The following KRTAP4-9 variants were observed in gnomAD, a reference collection of about 807,000 sequenced individuals.
The protein encoded by KRTAP4-9 is keratin associated protein 4-9.
A neutral mutation model predicts 4.3 loss-of-function variants in KRTAP4-9; 4 were observed. That is an observed-to-expected ratio of 0.94 (90% CI 0.46 to 2.15). The LOEUF (loss-of-function observed/expected upper bound fraction) is 2.15. Among genes scored for constraint, KRTAP4-9 ranks in the 30% most tolerant of loss-of-function variants. KRTAP4-9 has a pLI of 0.02. For missense variants in KRTAP4-9, 297 were observed against 278.5 expected, an observed-to-expected ratio of 1.07 and a Z score of -0.47; for synonymous variants, 111 against 99.2, an observed-to-expected ratio of 1.12 and a Z score of -0.70.
chr17:41,105,792 G>T (rs750975964), exon 1 of KRTAP4-9: 1 of 1,604,960 alleles, frequency 6.2e-7, no homozygotes, highest in Non-Finnish European at 8.5e-7. Flanking sequence ...TCCAGCTGCT[G>T]CAAGCCCCAG....
In KRTAP4-9 at chr17:41,106,380, G is replaced by C. The variant is rs6503597; in HGVS notation, c.*359G>C. On this transcript the variant is annotated 3_prime_UTR_variant, in exon 1 of 1. Coordinates refer to ENST00000391415, the Ensembl canonical transcript of KRTAP4-9. Reference sequence around the variant, plus strand: ...CTGCAGGACCAGTTTTGTCACTGAGGTTGCACCCTCAGATCCAGCCGCCCA... The same window carrying C: ...CTGCAGGACCAGTTTTGTCACTGAGCTTGCACCCTCAGATCCAGCCGCCCA... 2.8e-5 allele frequency: 10 copies of C among 356,528 alleles called. No individual in the cohort carries two copies. The South Asian group carries it at 6.5e-4, about 23-fold the overall frequency. 22.1% of individuals were successfully genotyped at this position (356,528 alleles called of 1,614,324 possible).
In KRTAP4-9 at chr17:41,106,210, C is replaced by T. The variant is rs906723831; in HGVS notation, c.*189C>T. On this transcript the variant is annotated 3_prime_UTR_variant, in exon 1 of 1. Transcript: ENST00000391415. Reference sequence around the variant, plus strand: ...ATTCTGATTCATTTTAAACTCCCTCCCTTGCTTTCTTTTTCTTCCGGTGGT... The same window carrying T: ...ATTCTGATTCATTTTAAACTCCCTCTCTTGCTTTCTTTTTCTTCCGGTGGT... 7 of 1,099,816 alleles carry T rather than the reference C, an allele frequency of 6.4e-6. 1 individual carries two copies. In the African/African-American group the frequency reaches 9.6e-5, roughly 15 times the overall value. 68.1% of individuals were successfully genotyped at this position (1,099,816 alleles called of 1,614,324 possible).
exon 1 of KRTAP4-9, chr17:41,105,862 C>G: frequency 2.6e-6 from 4 of 1,532,212 alleles, no homozygotes; most frequent in South Asian, 2.3e-5. Flanking sequence ...GCATCTCCAG[C>G]TGCTGCCGCC....
rs776647103 is a variant in KRTAP4-9, at chr17:41,105,435, G to A, written c.47G>A (p.Gly16Asp). The A allele has an allele frequency of 6.8e-6, 11 of 1,613,040 alleles. No homozygotes were observed. The Admixed American group carries it at 1.8e-4, about 27-fold the overall frequency. Reference sequence around the variant, plus strand: ...TCCGTGTGCTCTGACCAGGGCTGCGGCCAAGACCTCTGTCAGGAGACCTGC... The same window carrying A: ...TCCGTGTGCTCTGACCAGGGCTGCGACCAAGACCTCTGTCAGGAGACCTGC... Residue 16 changes from glycine (G) to aspartate (D), a missense_variant, in exon 1 of 1, where the codon GGC becomes GAC. Coordinates refer to ENST00000391415, the Ensembl canonical transcript of KRTAP4-9.
At chr17:41,105,685 C>G (rs769362720) in exon 1 of KRTAP4-9, 4 of 1,571,948 alleles carry the variant, frequency 2.5e-6, no homozygotes, top group Admixed American at 1.8e-5. Context: ...AGCCTGCGTG[C>G]TGCCAACCCA....
chr17:41,106,401 G>A (rs141432143), exon 1 of KRTAP4-9: 11,418 of 303,178 alleles, frequency 0.038, 540 homozygotes, highest in East Asian at 0.17. Context: ...AGATCCAGCC[G>A]CCCAGTTATA....
At position 41,105,868 on chromosome 17, in the gene KRTAP4-9, C is replaced by T. The variant is rs761300128; in HGVS notation, c.480C>T (p.Cys160=). 1.2e-5 allele frequency: 19 copies of T among 1,530,874 alleles called. 1 individual carries two copies. The Admixed American group carries it at 2.5e-4, about 20-fold the overall frequency. 94.8% of individuals were successfully genotyped at this position (1,530,874 alleles called of 1,614,324 possible). Residue 160 remains cysteine (C), a synonymous_variant, in exon 1 of 1, where the codon TGC becomes TGT. Coordinates refer to ENST00000391415, the Ensembl canonical transcript of KRTAP4-9. ...CCAGCTGCAGCATCTCCAGCTGCTGCCGCCCCTCTTGCTGTGAATCCAGCT... is the reference window on the plus strand; with the variant it reads ...CCAGCTGCAGCATCTCCAGCTGCTGTCGCCCCTCTTGCTGTGAATCCAGCT...
exon 1 of KRTAP4-9, chr17:41,105,991 C>T (rs771244943): frequency 1.9e-6 from 3 of 1,592,714 alleles, no homozygotes. Context: ...GCTGCCCCCG[C>T]CCCTTGTGCT....
Position 41,105,851 on chromosome 17 carries a change from A to T in KRTAP4-9, c.463A>T (p.Ser155Cys), listed in dbSNP as rs374629799. 3.0e-3 allele frequency: 4,794 copies of T among 1,601,924 alleles called. 71 individuals are homozygous for T. The African/African-American group carries it at 0.056, about 19-fold the overall frequency. Residue 155 changes from serine (S) to cysteine (C), a missense_variant, in exon 1 of 1, where the codon AGC (serine) becomes TGC (cysteine). By Grantham distance (112) the Ser-to-Cys change is moderately radical. Coordinates refer to ENST00000391415, the Ensembl canonical transcript of KRTAP4-9. The stretch of plus-strand genomic sequence containing the variant: ...GCCCAACTGCTGCCGCCCCAGCTGC[A>T]GCATCTCCAGCTGCTGCCGCCCCTC...
At position 41,105,766 on chromosome 17, in the gene KRTAP4-9, C is replaced by T. The variant is rs1200515452; in HGVS notation, c.378C>T (p.Arg126=). Reference sequence around the variant, plus strand: ...GGTGCTGCATCTCCAGCTGCTGTCGCCCCAGCTGCTGTGTGTCCAGCTGCT... The same window carrying T: ...GGTGCTGCATCTCCAGCTGCTGTCGTCCCAGCTGCTGTGTGTCCAGCTGCT... Residue 126 remains arginine, a synonymous_variant, in exon 1 of 1, where the codon CGC becomes CGT. Transcript: ENST00000391415. 1.7e-5 allele frequency: 28 copies of T among 1,602,718 alleles called. 1 individual carries two copies. Among genetic ancestry groups the T allele is most frequent in the Middle Eastern group, 1.7e-4 (1 of 5,928 alleles).
exon 1 of KRTAP4-9, chr17:41,105,854 A>G (rs1218254618): frequency 1.2e-6 from 2 of 1,610,906 alleles, no homozygotes; most frequent in African/African-American, 1.3e-5. Context: ...CAGCTGCAGC[A>G]TCTCCAGCTG....
rs538241229 is a variant in KRTAP4-9 at position 41,105,840 on chromosome 17, G to A, written c.452G>A (p.Arg151His). 876 of 1,603,846 alleles carry A rather than the reference G, an allele frequency of 5.5e-4. 15 individuals carry two copies. The African/African-American group carries it at 7.7e-3, about 14-fold the overall frequency. ...GTGTGCTGCCAGCCCAACTGCTGCC[G>A]CCCCAGCTGCAGCATCTCCAGCTGC... Residue 151 changes from arginine to histidine, a missense_variant, in exon 1 of 1, where the codon CGC becomes CAC. Arg to His is a conservative substitution (Grantham distance 29). Transcript: ENST00000391415.
chr17:41,105,997 G>A, exon 1 of KRTAP4-9: 1 of 1,591,020 alleles, frequency 6.3e-7, no homozygotes, highest in South Asian at 1.1e-5. Context: ...CCCGCCCCTT[G>A]TGCTGTGCCT....
chr17:41,105,933 G>T (rs1459462201), exon 1 of KRTAP4-9: 2 of 1,605,574 alleles, frequency 1.2e-6, no homozygotes, highest in South Asian at 1.1e-5. Flanking sequence ...GTCTGTGGCC[G>T]AGTCTCCTGC....
chr17:41,105,481 G>C (rs1308300580), exon 1 of KRTAP4-9: 2 of 1,604,016 alleles, frequency 1.2e-6, no homozygotes, highest in Non-Finnish European at 8.5e-7. Flanking sequence ...GCTGCTGTGA[G>C]ACCACCTGCT....
chr17:41,106,169 C>T (rs1322705307), exon 1 of KRTAP4-9: 1 of 1,340,388 alleles, frequency 7.5e-7, no homozygotes, highest in Non-Finnish European at 1.0e-6. Flanking sequence ...CACCATTTCA[C>T]TGACTCTTTG....
chr17:41,105,896 T>C (rs764822338), exon 1 of KRTAP4-9: 9 of 1,606,466 alleles, frequency 5.6e-6, no homozygotes, highest in South Asian at 2.2e-5. Context: ...ATCCAGCTGC[T>C]GCCGCCCCTG....
exon 1 of KRTAP4-9, chr17:41,105,428 G>A (rs2014063989): frequency 9.9e-6 from 16 of 1,612,388 alleles, no homozygotes; most frequent in Non-Finnish European, 1.7e-6. Context: ...CTCTGACCAG[G>A]GCTGCGGCCA....
In KRTAP4-9 at chr17:41,105,744, G is replaced by A. The variant is rs755593712; in HGVS notation, c.356G>A (p.Cys119Tyr). The change falls in exon 1 of 1, where the codon TGC (cysteine) becomes TAC (tyrosine). Residue 119 changes from cysteine to tyrosine, a missense_variant. Coordinates refer to ENST00000391415, the Ensembl canonical transcript of KRTAP4-9. The stretch of plus-strand genomic sequence containing the variant: ...GAGACGACCTGCTGCCACCCTAGGT[G>A]CTGCATCTCCAGCTGCTGTCGCCCC... The A allele has an allele frequency of 2.5e-6, 4 of 1,602,364 alleles. No homozygotes were observed. In the Admixed American group the frequency reaches 6.7e-5, roughly 27 times the overall value.
Sources: gnomAD v4.1 joint callset for allele counts on GRCh38, gnomAD v4.1.1 for gene constraint, MANE v1.5 for transcripts, NCBI Gene and HGNC (gene_info 2026-07-23, HGNC 2026-07-21) for gene names.